Variants in METTL9 observed in about 807,000 individuals in gnomAD.
The protein encoded by METTL9 is protein-L-histidine N-pros-methyltransferase.
In METTL9, 10 loss-of-function variants were observed where a neutral mutation model predicts 36.0. The ratio of observed to expected loss-of-function variants is 0.28; its 90% CI spans 0.17 to 0.47. The LOEUF is 0.47. METTL9 is among the 20% of genes least tolerant of loss of function. METTL9 has a pLI of 0.99. For synonymous variants in METTL9, 175 were observed against 149.7 expected, an observed-to-expected ratio of 1.17 and a Z score of -1.23; for missense variants, 246 against 383.5, an observed-to-expected ratio of 0.64 and a Z score of 3.00.
At chr16:21,622,277 T>C (rs1965724248) in intron 3 of METTL9, among the ~76,000 whole-genome samples, 1 of 150,958 alleles carries the variant, frequency 6.6e-6, no homozygotes, top group Admixed American at 6.6e-5. Flanking sequence ...CCCAAGTAGC[T>C]TAGCTAGGAC....
chr16:21,638,491 A>G (rs535122221), intron 4 of METTL9, among the ~76,000 whole-genome samples: 64 of 152,308 alleles, frequency 4.2e-4, no homozygotes, highest in Admixed American at 3.3e-3. Context: ...ATTTTTCTAT[A>G]GAAACATTGT....
At position 21,655,231 on chromosome 16, in the gene METTL9, T is replaced by A. The variant is rs990487188; in HGVS notation, c.756T>A (p.Gly252=). 5 of 1,613,150 alleles carry A rather than the reference T, an allele frequency of 3.1e-6. No homozygotes were observed. The African/African-American group carries it at 5.3e-5, about 17-fold the overall frequency. Residue 252 remains glycine (G), a synonymous_variant, in exon 5 of 5, where the codon GGT becomes GGA. Transcript: ENST00000358154. The part of the protein sequence containing the change: ...LPFHPYVENV[G]GKWEKPSEIL... ...GAATGTTCTTATTTGTATTAGTAGGTGGCAAGTGGGAGAAACCATCAGAAA... is the reference window on the plus strand; with the variant it reads ...GAATGTTCTTATTTGTATTAGTAGGAGGCAAGTGGGAGAAACCATCAGAAA...
chr16:21,604,937 C>G (rs977503970), intron 1 of METTL9, among the ~76,000 whole-genome samples: 1 of 152,134 alleles, frequency 6.6e-6, no homozygotes, highest in African/African-American at 2.4e-5. Context: ...TCTCCTCTGA[C>G]CAGCCCTTGC....
chr16:21,620,681 A>G (rs1965671961), intron 3 of METTL9, among the ~76,000 whole-genome samples: 1 of 152,238 alleles, frequency 6.6e-6, no homozygotes, highest in Non-Finnish European at 1.5e-5. Flanking sequence ...TAAGCCAAAA[A>G]TCTGCAGTTT....
At chr16:21,604,837 G>A (rs1428279666) in intron 1 of METTL9, among the ~76,000 whole-genome samples, 1 of 152,150 alleles carries the variant, frequency 6.6e-6, no homozygotes, top group African/African-American at 2.4e-5. Flanking sequence ...AGCCCTGAAT[G>A]CCTTGGGTCT....
intron 3 of METTL9, among the ~76,000 whole-genome samples, chr16:21,623,910 A>C (rs983365592): frequency 2.6e-5 from 4 of 152,064 alleles, no homozygotes; most frequent in African/African-American, 9.7e-5. Context: ...AGCTGGGATT[A>C]CAGGCACGCG....
At chr16:21,643,487 G>A in intron 4 of METTL9, 1 of 1,095,914 alleles carries the variant, frequency 9.1e-7, no homozygotes. Flanking sequence ...AAATATTTCA[G>A]TTTTGAAATC....
intron 4 of METTL9, among the ~76,000 whole-genome samples, chr16:21,635,918 C>T (rs544506293): frequency 6.6e-6 from 1 of 152,244 alleles, no homozygotes; most frequent in South Asian, 2.1e-4. Context: ...TGAGGAAGGC[C>T]GGATTTAGTG....
rs1965044804 is a variant in METTL9 at position 21,599,619 on chromosome 16, A to C, written c.-115A>C. 29 of 1,332,926 alleles carry C rather than the reference A, an allele frequency of 2.2e-5. 1 individual carries two copies. In the South Asian group the frequency reaches 5.4e-4, roughly 25 times the overall value. 82.6% of individuals were successfully genotyped at this position (1,332,926 alleles called of 1,614,324 possible). A position where few individuals can be genotyped will look rare whatever the true frequency, so the allele number is the denominator to read the frequency against. On this transcript the variant is annotated 5_prime_UTR_variant, in exon 1 of 5. Transcript: ENST00000358154. This position sits in a 1 kb window ranked among gnomAD's most constrained non-coding sequence, Gnocchi z 4.4. ...TTGCCCTGAAGGGGGCTGGATGGGC[A>C]AGGCGGCCGCGATGGCTCGAGCTCG...
intron 1 of METTL9, among the ~76,000 whole-genome samples, chr16:21,600,418 C>T (rs1597735033): frequency 6.6e-6 from 1 of 152,188 alleles, no homozygotes; most frequent in Admixed American, 6.5e-5. Flanking sequence ...ACTCTCCAGG[C>T]TGATTGGGGT....
At chr16:21,648,368 G>A (rs1465287111) in intron 4 of METTL9, among the ~76,000 whole-genome samples, 1 of 152,158 alleles carries the variant, frequency 6.6e-6, no homozygotes, top group Non-Finnish European at 1.5e-5. Context: ...TTAGTGTGAC[G>A]TTCAAGATGA....
In METTL9 at chr16:21,599,937, G is replaced by T. The variant is rs1425020509; in HGVS notation, c.165+39G>T. The T allele has an allele frequency of 1.6e-6, 2 of 1,289,270 alleles. No homozygotes were observed. The highest frequency in any genetic ancestry group is 9.8e-7 in the Non-Finnish European group (1 of 1,023,396). 79.9% of individuals were successfully genotyped at this position (1,289,270 alleles called of 1,614,324 possible). A position where few individuals can be genotyped will look rare whatever the true frequency, so the allele number is the denominator to read the frequency against. ...CCGGGGCCGGGGCGGGGGCGTGGCG[G>T]CCCGGCCTTCCCGCGCTGGGCCCGG... On this transcript the variant is annotated intron_variant, in intron 1 of 4. Coordinates refer to ENST00000358154, the MANE Select transcript of METTL9 (RefSeq NM_016025.5). This position sits in a 1 kb window ranked among gnomAD's most constrained non-coding sequence, Gnocchi z 4.4.
chr16:21,605,632 T>A (rs1054824079), intron 1 of METTL9, among the ~76,000 whole-genome samples: 2 of 152,180 alleles, frequency 1.3e-5, no homozygotes, highest in African/African-American at 4.8e-5. Context: ...TGCACAATAC[T>A]TGTTGAAGAT....
intron 3 of METTL9, among the ~76,000 whole-genome samples, chr16:21,621,626 CAA>C (rs1965696923): frequency 6.6e-6 from 1 of 151,994 alleles, no homozygotes; most frequent in South Asian, 2.1e-4. Context: ...TGCGCCCAGC[CAA>C]AGTTTCTGCA....
intron 1 of METTL9, among the ~76,000 whole-genome samples, chr16:21,602,551 A>G (rs927862084): frequency 1.3e-5 from 2 of 152,220 alleles, no homozygotes; most frequent in Non-Finnish European, 2.9e-5. Flanking sequence ...CCTATGAAAT[A>G]AGAATAGTTT....
chr16:21,613,168 C>CTTTTTTTTTTTTTTTTTTTTTTTTTTTTT (rs57388340), intron 2 of METTL9, among the ~76,000 whole-genome samples: 1 of 91,440 alleles, frequency 1.1e-5, no homozygotes, highest in African/African-American at 5.4e-5. Flanking sequence ...TGAGAGTCTG[C>CTTTTTTTTTTTTTTTTTTTTTTTTTTTTT]TTTTTTTTTT....
intron 4 of METTL9, chr16:21,644,213 T>G (rs1966357926): frequency 9.4e-6 from 10 of 1,064,566 alleles, no homozygotes; most frequent in Non-Finnish European, 1.5e-5. Flanking sequence ...CCATAACTTG[T>G]GGAGAGATAG....
At chr16:21,647,212 G>A in intron 4 of METTL9, 1 of 1,614,150 alleles carries the variant, frequency 6.2e-7, no homozygotes, top group Non-Finnish European at 8.5e-7. Context: ...TTCCACAGAT[G>A]TAAATTGCAC....
intron 4 of METTL9, among the ~76,000 whole-genome samples, chr16:21,628,695 G>A (rs569155174): frequency 4.6e-5 from 7 of 151,922 alleles, no homozygotes; most frequent in African/African-American, 9.7e-5. Context: ...GGCGTCTGGC[G>A]GCGTTGTCCA....
Sources: gnomAD v4.1 joint callset for allele counts (sites outside exome capture counted in the v4.1 genomes callset) on GRCh38, gnomAD v4.1.1 for gene constraint, Gnocchi (gnomAD v3.1) non-coding constraint, MANE v1.5 for transcripts, NCBI Gene and HGNC (gene_info 2026-07-23, HGNC 2026-07-21) for gene names.